NKAIN1: variants seen among roughly 807,000 people sequenced by gnomAD.
The protein encoded by NKAIN1 is sodium/potassium transporting ATPase interacting 1, also known as sodium/potassium-transporting ATPase subunit beta-1-interacting protein 1.
A neutral mutation model predicts 31.6 loss-of-function variants in NKAIN1; 13 were observed. The ratio of observed to expected loss-of-function variants is 0.41; its 90% CI spans 0.27 to 0.65. NKAIN1 has a LOEUF of 0.65. Among genes scored for constraint, NKAIN1 ranks in the 30% least tolerant of loss-of-function variants. The pLI is 0.30. For synonymous variants in NKAIN1, 104 were observed against 109.0 expected (o/e 0.95, Z 0.28); for missense variants, 193 against 262.2 (o/e 0.74, Z 1.82).
rs964276274 is a variant in NKAIN1, at chr1:31,233,400, G to A, written c.54+6094C>T. On this transcript the variant is annotated intron_variant, in intron 1 of 6. Coordinates refer to ENST00000373736, the MANE Select transcript of NKAIN1 (RefSeq NM_024522.3). The surrounding 1 kb of genome is among the most constrained non-coding windows in gnomAD (Gnocchi z 4.0). ...GATTTCTCCACCTGCTTCCACTCCA[G>A]CGTCCCACAATACTAGCAGGGGGCA... Among the ~76,000 whole-genome samples, 1 of 152,206 alleles carries A rather than the reference G, an allele frequency of 6.6e-6. No homozygotes were observed. The highest frequency in any genetic ancestry group is 2.4e-5 in the African/African-American group (1 of 41,448).
intron 1 of NKAIN1, among the ~76,000 whole-genome samples, chr1:31,196,891 C>A (rs1645331577): frequency 6.6e-6 from 1 of 152,144 alleles, no homozygotes; most frequent in African/African-American, 2.4e-5. Context: ...AAGCCTGAGT[C>A]AGAATCCTGG....
In NKAIN1 at chr1:31,198,229, C is replaced by T. The variant is rs1201598590; in HGVS notation, c.55-10042G>A. Reference sequence around the variant, plus strand: ...ACTACCCCATTCTAGAGCAGCAGGCCCCTAACTATTAGAGTGCCCCAAAGC... The same window carrying T: ...ACTACCCCATTCTAGAGCAGCAGGCTCCTAACTATTAGAGTGCCCCAAAGC... On this transcript the variant is annotated intron_variant, in intron 1 of 6. Transcript: ENST00000373736. Among the ~76,000 whole-genome samples the T allele has an allele frequency of 2.0e-5, 3 of 152,090 alleles. No individual in the cohort carries two copies. The East Asian group carries it at 5.8e-4, about 29-fold the overall frequency.
chr1:31,195,401 C>A (rs553371251), intron 1 of NKAIN1, among the ~76,000 whole-genome samples: 1 of 152,164 alleles, frequency 6.6e-6, no homozygotes, highest in South Asian at 2.1e-4. Context: ...GAATTACAGG[C>A]ATAAGCCACC....
At chr1:31,231,599 C>T (rs1645648698) in intron 1 of NKAIN1, among the ~76,000 whole-genome samples, 1 of 152,006 alleles carries the variant, frequency 6.6e-6, no homozygotes, top group South Asian at 2.1e-4. Flanking sequence ...GGCGCCATCT[C>T]AGCTCACTGC....
intron 1 of NKAIN1, among the ~76,000 whole-genome samples, chr1:31,201,415 G>A (rs993125363): frequency 2.0e-5 from 3 of 147,618 alleles, no homozygotes; most frequent in Non-Finnish European, 3.0e-5. Context: ...CTGGAGTGCA[G>A]TGGCACTATC....
intron 1 of NKAIN1, among the ~76,000 whole-genome samples, chr1:31,223,645 CGT>C (rs776353567): frequency 1.2e-4 from 18 of 152,222 alleles, no homozygotes; most frequent in Non-Finnish European, 1.5e-4. Flanking sequence ...GGGGTTTCAC[CGT>C]GTTAGCCAGG....
At chr1:31,196,044 C>T (rs1359603058) in intron 1 of NKAIN1, among the ~76,000 whole-genome samples, 1 of 152,076 alleles carries the variant, frequency 6.6e-6, no homozygotes, top group Non-Finnish European at 1.5e-5. Context: ...GCCACTGAAA[C>T]AGTTCTTACT....
At position 31,182,669 on chromosome 1, in the gene NKAIN1, T is replaced by C. The variant is rs74783240; in HGVS notation, c.472-79A>G. 9,223 of 1,515,474 alleles carry C rather than the reference T, an allele frequency of 6.1e-3. 300 individuals are homozygous for C. In the East Asian group the frequency reaches 0.093, roughly 15 times the overall value. The allele number at this position is 1,515,474 out of a possible 1,614,324, so 93.9% of individuals were successfully genotyped here. A position where few individuals can be genotyped will look rare whatever the true frequency, so the allele number is the denominator to read the frequency against. Reference sequence around the variant, plus strand: ...CCGCCCCCTGCCGGGCCCTGTACGCTCTGACTGGCAAGGGAGGAGGCATGC... The same window carrying C: ...CCGCCCCCTGCCGGGCCCTGTACGCCCTGACTGGCAAGGGAGGAGGCATGC... On this transcript the variant is annotated intron_variant, in intron 4 of 6. Transcript: ENST00000373736.
At chr1:31,222,023 C>T (rs1325610058) in intron 1 of NKAIN1, among the ~76,000 whole-genome samples, 1 of 152,104 alleles carries the variant, frequency 6.6e-6, no homozygotes, top group Non-Finnish European at 1.5e-5. Flanking sequence ...GAATTACAGG[C>T]GCCCACCACC....
Position 31,181,950 on chromosome 1 carries a change from GA to G in NKAIN1, c.533-10del, listed in dbSNP as rs1557647720. The G allele has an allele frequency of 6.2e-7, 1 of 1,602,938 alleles. No individual in the cohort carries two copies. Among genetic ancestry groups the G allele is most frequent in the Admixed American group, 1.7e-5 (1 of 57,600 alleles). On this transcript the variant is annotated splice_polypyrimidine_tract_variant and intron_variant, in intron 5 of 6. Transcript: ENST00000373736. ...GCCGCCGATGAAGTCAACTGCGGAA[GA>G]GGGGCGGCGCATGTTAGGGATCGGC...
At position 31,181,564 on chromosome 1, in the gene NKAIN1, T is replaced by G. The variant is rs562234535; in HGVS notation, c.*139A>C. The G allele has an allele frequency of 6.8e-6, 5 of 740,432 alleles. No homozygotes were observed. The South Asian group carries it at 2.5e-4, about 37-fold the overall frequency. The allele number at this position is 740,432 out of a possible 1,614,324, so 45.9% of individuals were successfully genotyped here. On this transcript the variant is annotated 3_prime_UTR_variant, in exon 7 of 7. Transcript: ENST00000373736. ...CCAAGTCCACGTCCAAGTCCGCATC[T>G]CCAGATGCAGACGCGGGGTTGGGCA...
chr1:31,234,241 C>T (rs1005900811), intron 1 of NKAIN1, among the ~76,000 whole-genome samples: 4 of 152,198 alleles, frequency 2.6e-5, no homozygotes, highest in African/African-American at 7.2e-5. Flanking sequence ...CTCTGATACC[C>T]GGCCCAAGGA....
intron 1 of NKAIN1, among the ~76,000 whole-genome samples, chr1:31,232,424 TAGAGAGAGAGAGAGAGAGAG>T (rs34605060): frequency 5.9e-5 from 1 of 16,908 alleles, no homozygotes; most frequent in African/African-American, 1.7e-4. Flanking sequence ...TATATATATA[TAGAGAGAGAGAGAGAGAGAG>T]AGAGAGAGAG....
chr1:31,211,898 C>T (rs1032410850), intron 1 of NKAIN1, among the ~76,000 whole-genome samples: 7 of 151,956 alleles, frequency 4.6e-5, no homozygotes, highest in Admixed American at 6.6e-5. Context: ...GCCAAGATTG[C>T]GCCACTGCAC....
rs3046278 is a variant in NKAIN1, at chr1:31,183,436, C to CTTTTTTTTTT, written c.471+371_471+380dup. On this transcript the variant is annotated intron_variant, in intron 4 of 6. Coordinates refer to ENST00000373736, the MANE Select transcript of NKAIN1 (RefSeq NM_024522.3). ...GGCGGAAGACCTAGGTTCATTCCCTCTTTTTTTTTTTTTTTTTTTTTTTTT... is the reference window on the plus strand; with the variant it reads ...GGCGGAAGACCTAGGTTCATTCCCTCTTTTTTTTTTTTTTTTTTTTTTTTTTTTTTTTTTT... 1.1e-3 allele frequency among the ~76,000 whole-genome samples: 118 copies of CTTTTTTTTTT among 106,672 alleles called. 7 individuals are homozygous for CTTTTTTTTTT. Among genetic ancestry groups the CTTTTTTTTTT allele is most frequent in the African/African-American group, 6.0e-3 (108 of 17,888 alleles). The allele number at this position is 106,672 out of a possible 152,430, so 70.0% of individuals were successfully genotyped here.
At chr1:31,186,093 T>C (rs1570449437) in intron 2 of NKAIN1, among the ~76,000 whole-genome samples, 1 of 149,788 alleles carries the variant, frequency 6.7e-6, no homozygotes, top group East Asian at 2.0e-4. Flanking sequence ...CCAGGCGCAG[T>C]GGCTCACGCT....
intron 1 of NKAIN1, among the ~76,000 whole-genome samples, chr1:31,203,014 G>A (rs1467430625): frequency 8.2e-6 from 1 of 121,826 alleles, no homozygotes; most frequent in Non-Finnish European, 1.7e-5. Flanking sequence ...TGGCTCACGC[G>A]GGTAATCCCA....
intron 1 of NKAIN1, among the ~76,000 whole-genome samples, chr1:31,199,769 A>G (rs1645362676): frequency 6.6e-6 from 1 of 152,214 alleles, no homozygotes; most frequent in African/African-American, 2.4e-5. Flanking sequence ...TGGGCCCAGT[A>G]AGGACTCAAT....
At position 31,217,166 on chromosome 1, in the gene NKAIN1, A is replaced by ATTGAC. The variant is rs547759394; in HGVS notation, c.54+22323_54+22327dup. Among the ~76,000 whole-genome samples the ATTGAC allele has an allele frequency of 8.1e-3, 1,224 of 151,314 alleles. 7 individuals carry two copies. The highest frequency in any genetic ancestry group is 0.014 in the Middle Eastern group (4 of 294). Reference sequence around the variant, plus strand: ...CAGGCATGAGCCACCGTGCCGCGGCATTGACTTTTTGTTTTAGAGACAGGG... The same window carrying ATTGAC: ...CAGGCATGAGCCACCGTGCCGCGGCATTGACTTGACTTTTTGTTTTAGAGACAGGG... On this transcript the variant is annotated intron_variant, in intron 1 of 6. Transcript: ENST00000373736.
Sources: gnomAD v4.1 joint callset for allele counts (sites outside exome capture counted in the v4.1 genomes callset) on GRCh38, gnomAD v4.1.1 for gene constraint, Gnocchi (gnomAD v3.1) non-coding constraint, MANE v1.5 for transcripts, NCBI Gene and HGNC (gene_info 2026-07-23, HGNC 2026-07-21) for gene names.